EXOC2: variants seen among roughly 807,000 people sequenced by gnomAD.
EXOC2 encodes the protein exocyst complex component 2.
EXOC2 carries 70 observed loss-of-function variants against 131.8 expected under a neutral mutation model. The observed-to-expected ratio is 0.53, with a 90% CI of 0.44 to 0.65. The LOEUF (loss-of-function observed/expected upper bound fraction) is 0.65. EXOC2 is among the 30% of genes least tolerant of loss of function. The probability of loss-of-function intolerance (pLI) is 0.00; values close to 1 mark genes in which losing one functional copy is unlikely to be tolerated. For synonymous variants in EXOC2, 411 were observed against 398.4 expected (o/e 1.03, Z -0.38); for missense variants, 923 against 1,108.6 (o/e 0.83, Z 2.38).
intron 1 of EXOC2, chr6:656,231 C>T (rs998447913): frequency 1.2e-6 from 2 of 1,614,142 alleles, no homozygotes; most frequent in African/African-American, 2.7e-5. Flanking sequence ...CCTCCAAAAA[C>T]TGCAGAAGCT....
chr6:682,171 G>T (rs992057792), intron 1 of EXOC2, among the ~76,000 whole-genome samples: 2 of 151,072 alleles, frequency 1.3e-5, no homozygotes, highest in African/African-American at 2.4e-5. Flanking sequence ...TGACCATTCC[G>T]CAGTTCCTAT....
chr6:625,568 C>T lies in EXOC2; in HGVS notation c.422+4267G>A, dbSNP rs181700178. Among the ~76,000 whole-genome samples the T allele has an allele frequency of 9.9e-3, 1,254 of 126,756 alleles. 13 individuals are homozygous for T. The highest frequency in any genetic ancestry group is 0.013 in the Admixed American group (136 of 10,408). 83.2% of individuals were successfully genotyped at this position (126,756 alleles called of 152,430 possible). ...CTGACCCAGTTTCTGGACTTGAAGG[C>T]GTTCTCATTGCCCATCTATTTTTAC... On this transcript the variant is annotated intron_variant, in intron 4 of 27. Transcript: ENST00000230449.
intron 23 of EXOC2, among the ~76,000 whole-genome samples, chr6:503,019 AGCTCTGCG>A (rs1764318677): frequency 2.0e-5 from 3 of 152,212 alleles, no homozygotes; most frequent in African/African-American, 7.2e-5. Context: ...AGTGAGGCGG[AGCTCTGCG>A]AGCTGCCATC....
intron 22 of EXOC2, among the ~76,000 whole-genome samples, chr6:534,945 C>A (rs1361694439): frequency 1.3e-5 from 2 of 152,142 alleles, no homozygotes; most frequent in Admixed American, 1.3e-4. Flanking sequence ...ACTAATAACA[C>A]ACAATGAAGA....
chr6:651,681 A>AATT (rs1172456866), intron 1 of EXOC2, among the ~76,000 whole-genome samples: 1 of 148,566 alleles, frequency 6.7e-6, no homozygotes, highest in African/African-American at 2.4e-5. Context: ...ATAAATAAAT[A>AATT]ATAAAAAAAT....
rs1764541678 is a variant in EXOC2 at position 506,449 on chromosome 6, C to G, written c.2381-6749G>C. On this transcript the variant is annotated intron_variant, in intron 23 of 27. Coordinates refer to ENST00000230449, the MANE Select transcript of EXOC2 (RefSeq NM_018303.6). This position sits in a 1 kb window ranked among gnomAD's most constrained non-coding sequence, Gnocchi z 4.4. ...AAATACAAGGCAAACGGATTTGCTC[C>G]TTGGAGTTAAAGGCTACATTATTAT... 6.6e-6 allele frequency among the ~76,000 whole-genome samples: 1 copy of G among 152,212 alleles called. No homozygotes were observed. The highest frequency in any genetic ancestry group is 1.5e-5 in the Non-Finnish European group (1 of 68,036).
chr6:665,767 G>A (rs1407295805), intron 1 of EXOC2, among the ~76,000 whole-genome samples: 1 of 151,842 alleles, frequency 6.6e-6, no homozygotes, highest in African/African-American at 2.4e-5. Context: ...AATGGACTTT[G>A]GGTACTTGGG....
chr6:588,978 A>C (rs928506279), intron 11 of EXOC2, among the ~76,000 whole-genome samples: 3 of 152,218 alleles, frequency 2.0e-5, no homozygotes, highest in Non-Finnish European at 4.4e-5. Flanking sequence ...ATATGACGAG[A>C]TAGATGAAAT....
chr6:617,628 G>A, intron 6 of EXOC2, 83 bp downstream of exon 6: 1 of 1,505,294 alleles, frequency 6.6e-7, no homozygotes, highest in Non-Finnish European at 8.9e-7. Flanking sequence ...CAGACCGAGT[G>A]TCACACCCTG....
rs576794041 is a variant in EXOC2 at position 488,618 on chromosome 6, A to G, written c.2681+361T>C. The stretch of plus-strand genomic sequence containing the variant: ...AAATCACCGACTCCTGCATTTTACT[A>G]TGCTGTCTTCTTTTTTCCATTACTT... On this transcript the variant is annotated intron_variant, in intron 27 of 27. Coordinates refer to ENST00000230449, the MANE Select transcript of EXOC2 (RefSeq NM_018303.6). Among the ~76,000 whole-genome samples, 119 of 151,868 alleles carry G rather than the reference A, an allele frequency of 7.8e-4. 2 individuals are homozygous for G. Among genetic ancestry groups the G allele is most frequent in the Admixed American group, 2.9e-3 (44 of 15,228 alleles).
intron 23 of EXOC2, among the ~76,000 whole-genome samples, chr6:523,965 A>G (rs1208563793): frequency 2.0e-5 from 3 of 152,242 alleles, no homozygotes; most frequent in Non-Finnish European, 4.4e-5. Flanking sequence ...GGTGGGGTGC[A>G]GAGCTGAACT....
chr6:573,205 C>T (rs545994765), intron 12 of EXOC2, among the ~76,000 whole-genome samples: 2 of 152,286 alleles, frequency 1.3e-5, no homozygotes, highest in Admixed American at 6.5e-5. Context: ...AAACTAGAAA[C>T]GTTGAAACCT....
At chr6:524,449 G>A (rs529695832) in intron 23 of EXOC2, 2 of 152,242 alleles carry the variant, frequency 1.3e-5, no homozygotes, top group Admixed American at 6.5e-5. Context: ...GTGTTCCACT[G>A]CATGGACAAT....
chr6:648,112 C>T (rs1762663136), intron 1 of EXOC2, among the ~76,000 whole-genome samples: 2 of 152,184 alleles, frequency 1.3e-5, no homozygotes, highest in Admixed American at 6.5e-5. Flanking sequence ...AAGAACATAT[C>T]TGCTTTTCAC....
intron 22 of EXOC2, among the ~76,000 whole-genome samples, chr6:541,935 TAC>T (rs113358358): frequency 2.3e-4 from 35 of 152,348 alleles, no homozygotes; most frequent in African/African-American, 8.2e-4. Flanking sequence ...TAATTCATGT[TAC>T]AAACGAGCAT....
At chr6:607,462 G>A (rs917383634) in intron 7 of EXOC2, among the ~76,000 whole-genome samples, 37 of 152,284 alleles carry the variant, frequency 2.4e-4, no homozygotes, top group African/African-American at 8.7e-4. Flanking sequence ...CCTGCAGTAG[G>A]CCCTCCACAA....
chr6:691,249 A>C (rs1764911106), intron 1 of EXOC2, among the ~76,000 whole-genome samples: 1 of 152,226 alleles, frequency 6.6e-6, no homozygotes, highest in Non-Finnish European at 1.5e-5. Flanking sequence ...GTTAATAACC[A>C]TCTTTTAGAA....
chr6:600,822 A>G (rs1448682360), intron 7 of EXOC2, among the ~76,000 whole-genome samples: 1 of 152,228 alleles, frequency 6.6e-6, no homozygotes, highest in Non-Finnish European at 1.5e-5. Context: ...ACATGTACTT[A>G]TATGTTGAAA....
intron 1 of EXOC2, among the ~76,000 whole-genome samples, chr6:640,878 G>A (rs1275426606): frequency 9.7e-6 from 1 of 102,936 alleles, no homozygotes; most frequent in Non-Finnish European, 2.2e-5. Context: ...ACTACTAACA[G>A]CAGGTACAGA....
Sources: allele counts gnomAD v4.1 joint callset (sites outside exome capture counted in the v4.1 genomes callset), GRCh38; gene constraint gnomAD v4.1.1; non-coding constraint Gnocchi (gnomAD v3.1); transcripts MANE v1.5; gene names NCBI Gene and HGNC (gene_info 2026-07-23, HGNC 2026-07-21).